The following KDM4C variants were observed in gnomAD, a reference collection of about 807,000 sequenced individuals.
KDM4C encodes the protein lysine-specific demethylase 4C.
KDM4C carries 81 observed loss-of-function variants against 129.3 expected under a neutral mutation model. That is an observed-to-expected ratio of 0.63 (90% CI 0.52 to 0.75). The LOEUF is 0.75. Ranked by LOEUF, KDM4C falls within the 30% of genes least tolerant of loss-of-function variation. The probability of loss-of-function intolerance (pLI) is 0.00; values close to 1 mark genes in which losing one functional copy is unlikely to be tolerated. For missense variants in KDM4C, 1,457 were observed against 1,304.0 expected (o/e 1.12, Z -1.81); for synonymous variants, 573 against 456.1 (o/e 1.26, Z -3.26).
At chr9:7,065,970 C>T (rs530838122) in intron 17 of KDM4C, among the ~76,000 whole-genome samples, 14 of 146,100 alleles carry the variant, frequency 9.6e-5, no homozygotes, top group African/African-American at 2.5e-4. Flanking sequence ...TGTTGCTTTG[C>T]GGACAATGGA....
At chr9:6,848,784 G>T (rs763701803) in intron 4 of KDM4C, among the ~76,000 whole-genome samples, 3 of 152,076 alleles carry the variant, frequency 2.0e-5, no homozygotes, top group Non-Finnish European at 4.4e-5. Flanking sequence ...CATCCATATT[G>T]TTATACTGTT....
At chr9:6,784,052 A>T (rs1027794585) in intron 1 of KDM4C, among the ~76,000 whole-genome samples, 3 of 152,066 alleles carry the variant, frequency 2.0e-5, no homozygotes. Context: ...AAGATATTTA[A>T]TTTGAATGTT....
chr9:6,792,968 C>T lies in KDM4C; in HGVS notation c.-17-4C>T, dbSNP rs757869445. On this transcript the variant is annotated splice_polypyrimidine_tract_variant and splice_region_variant and intron_variant, in intron 1 of 21. Coordinates refer to ENST00000381309, the MANE Select transcript of KDM4C (RefSeq NM_015061.6). The stretch of plus-strand genomic sequence containing the variant: ...TTCTGTTGACCCTACTGTCTTCTCT[C>T]CAGACACTGCCCTAACCATCATGGA... 1 of 1,613,992 alleles carries T rather than the reference C, an allele frequency of 6.2e-7. No individual in the cohort carries two copies. The highest frequency in any genetic ancestry group is 2.2e-5 in the East Asian group (1 of 44,874).
chr9:6,982,806 G>C (rs1391028305), intron 9 of KDM4C: 1 of 152,144 alleles, frequency 6.6e-6, no homozygotes. Flanking sequence ...TAGAGAACAT[G>C]GATTTATGAC....
chr9:6,980,811 T>C (rs530834648), intron 8 of KDM4C, 114 bp from the exon 9 acceptor site: 1 of 841,754 alleles, frequency 1.2e-6, no homozygotes, highest in Admixed American at 2.6e-5. Context: ...TGTAATGCAT[T>C]ATCCTCCATT....
intron 15 of KDM4C, among the ~76,000 whole-genome samples, chr9:7,023,235 T>C (rs890155172): frequency 6.6e-6 from 1 of 152,182 alleles, no homozygotes; most frequent in Non-Finnish European, 1.5e-5. Flanking sequence ...TTTAAATGTT[T>C]GGTAGAATTC....
intron 6 of KDM4C, among the ~76,000 whole-genome samples, chr9:6,887,349 C>A (rs997309463): frequency 1.3e-5 from 2 of 152,190 alleles, no homozygotes; most frequent in African/African-American, 4.8e-5. Context: ...TGTTTAACTT[C>A]CTCATTTAAA....
chr9:6,867,757 A>G (rs1027103687), intron 5 of KDM4C, among the ~76,000 whole-genome samples: 3 of 152,210 alleles, frequency 2.0e-5, no homozygotes, highest in African/African-American at 7.2e-5. Context: ...TACCATGAAC[A>G]TGTGAACTTG....
chr9:6,948,308 C>T (rs1827335465), intron 8 of KDM4C: 2 of 152,116 alleles, frequency 1.3e-5, no homozygotes, highest in South Asian at 4.1e-4. Context: ...TTGTTAGTTT[C>T]AAATAACTCT....
chr9:6,987,410 A>G (rs1817921048), intron 11 of KDM4C, among the ~76,000 whole-genome samples: 1 of 152,226 alleles, frequency 6.6e-6, no homozygotes, highest in Non-Finnish European at 1.5e-5. Flanking sequence ...GAAACTGTCC[A>G]TGTAGCCATA....
chr9:6,949,577 A>C (rs571905649), intron 8 of KDM4C, among the ~76,000 whole-genome samples: 4 of 152,180 alleles, frequency 2.6e-5, no homozygotes, highest in African/African-American at 9.7e-5. Context: ...ACGAGACTCC[A>C]TCTGCAATCC....
At chr9:7,010,082 G>T (rs12351270) in intron 12 of KDM4C, among the ~76,000 whole-genome samples, 6,156 of 152,110 alleles carry the variant, frequency 0.04, 384 homozygotes, top group African/African-American at 0.14. Context: ...AAATATAAAG[G>T]TGCAGTATTA....
intron 17 of KDM4C, among the ~76,000 whole-genome samples, chr9:7,098,799 A>G (rs554115334): frequency 8.5e-5 from 13 of 152,238 alleles, no homozygotes; most frequent in African/African-American, 3.1e-4. Context: ...TATCCTCTTT[A>G]CTGTAGAACT....
chr9:6,832,135 G>A (rs780123650), intron 4 of KDM4C, among the ~76,000 whole-genome samples: 5 of 151,912 alleles, frequency 3.3e-5, no homozygotes, highest in South Asian at 2.1e-4. Flanking sequence ...TCAGGAGATC[G>A]AGAGCATCCT....
At position 7,165,597 on chromosome 9, in the gene KDM4C, G is replaced by C. The variant is rs76871905; in HGVS notation, c.2901+240G>C. Reference sequence around the variant, plus strand: ...TGAATGGTTTAATTGTAAGGAATATGGTTCTGCCAGAAAGATAAGTGACTA... The same window carrying C: ...TGAATGGTTTAATTGTAAGGAATATCGTTCTGCCAGAAAGATAAGTGACTA... On this transcript the variant is annotated intron_variant, in intron 20 of 21. Coordinates refer to ENST00000381309, the MANE Select transcript of KDM4C (RefSeq NM_015061.6). 3.2e-3 allele frequency among the ~76,000 whole-genome samples: 492 copies of C among 152,344 alleles called. 3 individuals are homozygous for C. The highest frequency in any genetic ancestry group is 0.011 in the African/African-American group (459 of 41,574).
At chr9:7,124,642 C>G (rs576045980) in intron 18 of KDM4C, among the ~76,000 whole-genome samples, 2 of 152,310 alleles carry the variant, frequency 1.3e-5, no homozygotes, top group East Asian at 1.9e-4. Context: ...ATGTTATATA[C>G]TGTCACCTAG....
At chr9:7,026,589 G>C (rs1825856761) in intron 15 of KDM4C, among the ~76,000 whole-genome samples, 1 of 151,880 alleles carries the variant, frequency 6.6e-6, no homozygotes, top group Non-Finnish European at 1.5e-5. Flanking sequence ...GATCTGCTTG[G>C]TATTCTGTAA....
intron 18 of KDM4C, among the ~76,000 whole-genome samples, chr9:7,108,805 G>T (rs574850701): frequency 6.6e-6 from 1 of 152,118 alleles, no homozygotes; most frequent in Non-Finnish European, 1.5e-5. Flanking sequence ...GATGTTTGAG[G>T]CTCCCAAATT....
chr9:6,882,514 A>G (rs1009316924), intron 6 of KDM4C, among the ~76,000 whole-genome samples: 2 of 152,284 alleles, frequency 1.3e-5, no homozygotes, highest in Admixed American at 1.3e-4. Flanking sequence ...ACTGAAAAGG[A>G]TTTACTTTGA....
Sources: gnomAD v4.1 joint callset for allele counts (sites outside exome capture counted in the v4.1 genomes callset) on GRCh38, gnomAD v4.1.1 for gene constraint, MANE v1.5 for transcripts, NCBI Gene and HGNC (gene_info 2026-07-23, HGNC 2026-07-21) for gene names.